DCC: variants seen among roughly 807,000 people sequenced by gnomAD.
DCC encodes the protein DCC netrin 1 receptor.
Under a neutral mutation model 172.5 loss-of-function variants are expected in DCC, and 58 were observed. The ratio of observed to expected loss-of-function variants is 0.34; its 90% CI spans 0.27 to 0.42. DCC has a LOEUF of 0.42. Ranked by LOEUF, DCC falls within the 10% of genes least tolerant of loss-of-function variation. The probability of loss-of-function intolerance (pLI) is 1.00; values close to 1 mark genes in which losing one functional copy is unlikely to be tolerated. For missense variants in DCC, 1,740 were observed against 1,791.0 expected (o/e 0.97, Z 0.51); for synonymous variants, 709 against 644.5 (o/e 1.10, Z -1.52).
At chr18:52,502,308 A>G (rs2031052302) in intron 1 of DCC, among the ~76,000 whole-genome samples, 1 of 152,204 alleles carries the variant, frequency 6.6e-6, no homozygotes, top group African/African-American at 2.4e-5. Flanking sequence ...AATATTGACT[A>G]TATCTCAAAG....
At chr18:52,714,401 A>G (rs1396599312) in intron 1 of DCC, among the ~76,000 whole-genome samples, 1 of 152,250 alleles carries the variant, frequency 6.6e-6, no homozygotes, top group Non-Finnish European at 1.5e-5. Context: ...AGAGCAAGAA[A>G]GAATGAAGCA....
At chr18:52,745,139 C>T (rs2036886690) in intron 1 of DCC, among the ~76,000 whole-genome samples, 1 of 152,152 alleles carries the variant, frequency 6.6e-6, no homozygotes, top group Admixed American at 6.5e-5. Context: ...TTCTCCACTT[C>T]AGCCTTTCAA....
At chr18:52,577,253 A>C (rs2033436777) in intron 1 of DCC, among the ~76,000 whole-genome samples, 1 of 152,210 alleles carries the variant, frequency 6.6e-6, no homozygotes, top group Admixed American at 6.5e-5. Flanking sequence ...ATTTTTGCTA[A>C]TCTGATGGAA....
At chr18:52,616,328 G>A (rs142403928) in intron 1 of DCC, among the ~76,000 whole-genome samples, 260 of 152,066 alleles carry the variant, frequency 1.7e-3, no homozygotes, top group African/African-American at 6.0e-3. Flanking sequence ...GGTTAGACGG[G>A]ACTATCATAT....
chr18:53,490,779 C>T (rs568221763), intron 26 of DCC, among the ~76,000 whole-genome samples: 1 of 152,284 alleles, frequency 6.6e-6, no homozygotes, highest in South Asian at 2.1e-4. Flanking sequence ...ACTGGCGGAC[C>T]AGTTGCTATT....
intron 1 of DCC, among the ~76,000 whole-genome samples, chr18:52,553,431 A>T (rs567263554): frequency 4.6e-5 from 7 of 152,042 alleles, no homozygotes; most frequent in Non-Finnish European, 8.8e-5. Context: ...GTGAAGTGGT[A>T]TAAGTTTTGA....
intron 6 of DCC, among the ~76,000 whole-genome samples, chr18:53,064,849 C>T (rs113354838): frequency 0.017 from 2,645 of 152,162 alleles, 70 homozygotes; most frequent in African/African-American, 0.059. Flanking sequence ...GTGTTGTATA[C>T]GCCTAAAATA....
At chr18:52,444,214 G>A (rs1224700130) in intron 1 of DCC, among the ~76,000 whole-genome samples, 4 of 152,152 alleles carry the variant, frequency 2.6e-5, no homozygotes, top group African/African-American at 4.8e-5. Context: ...CTGGCCTGCA[G>A]AATTCACCTC....
rs144810425 is a variant in DCC, at chr18:52,374,444, T to C, written c.91+33566T>C. Among the ~76,000 whole-genome samples, 69 of 152,112 alleles carry C rather than the reference T, an allele frequency of 4.5e-4. 1 individual carries two copies. The East Asian group carries it at 6.2e-3, about 14-fold the overall frequency. On this transcript the variant is annotated intron_variant, in intron 1 of 28. Coordinates refer to ENST00000442544, the MANE Select transcript of DCC (RefSeq NM_005215.4). Reference sequence around the variant, plus strand: ...TTTAGCCCCTCGGTGCTTAGAAGTATTGGGAAGGAACTAGGTACTGATGAT... The same window carrying C: ...TTTAGCCCCTCGGTGCTTAGAAGTACTGGGAAGGAACTAGGTACTGATGAT...
chr18:53,042,434 G>A (rs532769715), intron 5 of DCC, among the ~76,000 whole-genome samples: 11 of 151,934 alleles, frequency 7.2e-5, no homozygotes, highest in Admixed American at 2.0e-4. Context: ...TTTTCACATC[G>A]ATGTTCGTCA....
intron 2 of DCC, among the ~76,000 whole-genome samples, chr18:52,892,900 A>G (rs2039671901): frequency 6.6e-6 from 1 of 152,182 alleles, no homozygotes; most frequent in African/African-American, 2.4e-5. Context: ...AATTAAAATT[A>G]TATAGATTTA....
At chr18:53,222,169 T>C (rs1161075532) in intron 12 of DCC, among the ~76,000 whole-genome samples, 1 of 152,132 alleles carries the variant, frequency 6.6e-6, no homozygotes, top group Non-Finnish European at 1.5e-5. Flanking sequence ...AATAATAAAA[T>C]AGTAAATTAT....
chr18:52,908,334 C>T (rs1395207060), intron 3 of DCC, among the ~76,000 whole-genome samples: 1 of 152,208 alleles, frequency 6.6e-6, no homozygotes, highest in African/African-American at 2.4e-5. Context: ...GTAACACTTA[C>T]ATTTCATCCG....
At chr18:53,242,035 A>G (rs976635547) in intron 12 of DCC, among the ~76,000 whole-genome samples, 6 of 152,178 alleles carry the variant, frequency 3.9e-5, no homozygotes, top group Admixed American at 1.3e-4. Context: ...GGACTTCTTA[A>G]AGCATGCGCA....
chr18:52,834,961 T>C lies in DCC; in HGVS notation c.413-71083T>C, dbSNP rs9949896. On this transcript the variant is annotated intron_variant, in intron 2 of 28. Coordinates refer to ENST00000442544, the MANE Select transcript of DCC (RefSeq NM_005215.4). Reference sequence around the variant, plus strand: ...ATGTATATATTTGATCTTTTCATGTTACTGCTCGATATTAAACTATTTCTT... The same window carrying C: ...ATGTATATATTTGATCTTTTCATGTCACTGCTCGATATTAAACTATTTCTT... 3.1e-3 allele frequency among the ~76,000 whole-genome samples: 467 copies of C among 152,342 alleles called. 1 individual carries two copies. Among genetic ancestry groups the C allele is most frequent in the African/African-American group, 0.011 (450 of 41,590 alleles).
chr18:52,697,889 C>T (rs2036039937), intron 1 of DCC, among the ~76,000 whole-genome samples: 1 of 152,002 alleles, frequency 6.6e-6, no homozygotes, highest in Non-Finnish European at 1.5e-5. Context: ...TTATATTTTT[C>T]TATATTTTTC....
At chr18:52,392,382 T>A (rs1986061859) in intron 1 of DCC, among the ~76,000 whole-genome samples, 1 of 152,100 alleles carries the variant, frequency 6.6e-6, no homozygotes, top group South Asian at 2.1e-4. Context: ...GGATGATACA[T>A]TGCCACATGC....
At chr18:53,364,856 A>G (rs991097207) in intron 15 of DCC, among the ~76,000 whole-genome samples, 2 of 152,266 alleles carry the variant, frequency 1.3e-5, no homozygotes, top group African/African-American at 2.4e-5. Flanking sequence ...ATGTGCACAC[A>G]TGCACACATA....
At chr18:53,328,674 A>G (rs1054012744) in intron 14 of DCC, among the ~76,000 whole-genome samples, 2 of 152,074 alleles carry the variant, frequency 1.3e-5, no homozygotes, top group Non-Finnish European at 2.9e-5. Context: ...AGCTATGATT[A>G]CAGGCATCCA....
Sources: gnomAD v4.1 joint callset for allele counts (sites outside exome capture counted in the v4.1 genomes callset) on GRCh38, gnomAD v4.1.1 for gene constraint, MANE v1.5 for transcripts, NCBI Gene and HGNC (gene_info 2026-07-23, HGNC 2026-07-21) for gene names.